TCN2: variants seen among roughly 807,000 people sequenced by gnomAD.
TCN2 encodes the protein transcobalamin-2.
TCN2 carries 34 observed loss-of-function variants against 48.6 expected under a neutral mutation model. The observed-to-expected ratio is 0.70, with a 90% CI of 0.53 to 0.93. The LOEUF (loss-of-function observed/expected upper bound fraction) is 0.93, where lower values mean the gene tolerates loss of function less well. TCN2 is among the 40% of genes least tolerant of loss of function. The pLI is 0.00. For missense variants in TCN2, 652 were observed against 526.1 expected (o/e 1.24, Z -2.34); for synonymous variants, 283 against 212.5 (o/e 1.33, Z -2.89).
chr22:30,620,210 G>A (rs2087678049), intron 7 of TCN2, among the ~76,000 whole-genome samples: 1 of 151,890 alleles, frequency 6.6e-6, no homozygotes. Flanking sequence ...CCAGCACTTT[G>A]GGAGGCCAAG....
chr22:30,615,256 C>T (rs757333809), intron 4 of TCN2, 45 bp from the exon 5 acceptor site: 2 of 1,611,886 alleles, frequency 1.2e-6, no homozygotes, highest in African/African-American at 1.3e-5. Flanking sequence ...TGTCCTGGCC[C>T]CTTTGGCTCT....
At chr22:30,608,854 C>T (rs1332872982) in intron 1 of TCN2, among the ~76,000 whole-genome samples, 3 of 152,176 alleles carry the variant, frequency 2.0e-5, no homozygotes, top group Non-Finnish European at 4.4e-5. Flanking sequence ...CAGCCTTGGA[C>T]AGTTAGTCCA....
Position 30,614,415 on chromosome 22 carries a change from G to A in TCN2, c.494G>A (p.Cys165Tyr). The change falls in exon 4 of 9, where the codon TGT (cysteine) becomes TAT (tyrosine). Residue 165 changes from cysteine (C) to tyrosine (Y), a missense_variant. Cys to Tyr is a radical substitution (Grantham distance 194). Coordinates refer to ENST00000215838, the MANE Select transcript of TCN2 (RefSeq NM_000355.4). ...YQYGLGILAL[C>Y]LHQKRVHDSV... is the part of the protein sequence containing the mutation. ...TATGGCCTGGGCATTCTGGCCCTGTGTCTCCACCAGAAGCGGGTCCATGAC... is the reference window on the plus strand; with the variant it reads ...TATGGCCTGGGCATTCTGGCCCTGTATCTCCACCAGAAGCGGGTCCATGAC... 1.9e-6 allele frequency: 3 copies of A among 1,614,140 alleles called. No homozygotes were observed. The highest frequency in any genetic ancestry group is 2.5e-6 in the Non-Finnish European group (3 of 1,180,020).
At chr22:30,620,757 T>C (rs2087685499) in intron 7 of TCN2, among the ~76,000 whole-genome samples, 1 of 152,168 alleles carries the variant, frequency 6.6e-6, no homozygotes, top group Non-Finnish European at 1.5e-5. Context: ...GAGAAATGGT[T>C]CTCTTGTTAG....
Position 30,622,914 on chromosome 22 carries a change from C to G in TCN2, c.1107-54C>G, listed in dbSNP as rs1438284420. ...CTGCTGTGGGTGAGCACTGCCTCTC[C>G]CCTTAGGGACAACAGCCACCTCTTC... On this transcript the variant is annotated intron_variant, in intron 7 of 8. Transcript: ENST00000215838. The G allele has an allele frequency of 4.4e-6, 7 of 1,578,492 alleles. 1 individual carries two copies. The highest frequency in any genetic ancestry group is 3.3e-4 in the Middle Eastern group (2 of 6,020).
Position 30,615,425 on chromosome 22 carries a change from C to T in TCN2, c.705C>T (p.Thr235=), listed in dbSNP as rs1016983766. 3 of 1,614,064 alleles carry T rather than the reference C, an allele frequency of 1.9e-6. No individual in the cohort carries two copies. The highest frequency in any genetic ancestry group is 1.7e-5 in the Admixed American group (1 of 59,998). ...TVREEILKAQ[T]PEGHFGNVYS... is the part of the protein sequence containing the mutation. Reference sequence around the variant, plus strand: ...GAGAGGAGATCTTGAAGGCCCAGACCCCCGAGGGCCACTTTGGGAATGTCT... The same window carrying T: ...GAGAGGAGATCTTGAAGGCCCAGACTCCCGAGGGCCACTTTGGGAATGTCT... The change falls in exon 5 of 9, where the codon ACC becomes ACT. Residue 235 remains threonine (T), a synonymous_variant. Transcript: ENST00000215838.
chr22:30,622,825 T>C (rs568986851), intron 7 of TCN2, 143 bp from the exon 8 acceptor site: 3 of 802,784 alleles, frequency 3.7e-6, no homozygotes, highest in Non-Finnish European at 6.4e-6. Context: ...ATCACAGACC[T>C]GTGGCCAGGT....
At chr22:30,617,592 G>T in intron 7 of TCN2, 97 bp downstream of exon 7, 1 of 1,526,846 alleles carries the variant, frequency 6.5e-7, no homozygotes, top group East Asian at 2.3e-5. Context: ...GGGTTCCCTC[G>T]GGAGAGACAC....
At chr22:30,617,227 G>T in intron 6 of TCN2, 103 bp from the exon 7 acceptor site, 1 of 1,504,902 alleles carries the variant, frequency 6.6e-7, no homozygotes, top group East Asian at 2.3e-5. Flanking sequence ...ATGAGGACAT[G>T]GGGAAGGACA....
At chr22:30,625,798 C>T (rs181684026) in intron 8 of TCN2, among the ~76,000 whole-genome samples, 213 of 152,238 alleles carry the variant, frequency 1.4e-3, no homozygotes, top group African/African-American at 4.9e-3. Flanking sequence ...TGATGAGGCT[C>T]TACTCTCATG....
intron 1 of TCN2, among the ~76,000 whole-genome samples, chr22:30,608,013 T>C (rs1264096052): frequency 6.6e-6 from 1 of 152,118 alleles, no homozygotes; most frequent in Non-Finnish European, 1.5e-5. Context: ...AAGTGAGCCT[T>C]CGGAGGTCCT....
chr22:30,610,109 CAG>C (rs1293003183), intron 1 of TCN2: 5 of 441,376 alleles, frequency 1.1e-5, no homozygotes, highest in African/African-American at 2.0e-5. Flanking sequence ...CTTCCGCTTC[CAG>C]AGTGTTTGAG....
intron 3 of TCN2, among the ~76,000 whole-genome samples, chr22:30,613,428 C>T (rs1025333850): frequency 3.3e-5 from 5 of 152,210 alleles, no homozygotes; most frequent in Middle Eastern, 3.4e-3. Flanking sequence ...TACAGGCATG[C>T]GCCACCACAC....
Position 30,607,366 on chromosome 22 carries a change from G to T in TCN2, c.35G>T (p.Gly12Val). The change falls in exon 1 of 9, where the codon GGG (glycine) becomes GTG (valine). Residue 12 changes from glycine to valine, a missense_variant. Coordinates refer to ENST00000215838, the MANE Select transcript of TCN2 (RefSeq NM_000355.4). The part of the protein sequence containing the change: ...RHLGAFLFLL[G>V]VLGALTEMCE... The stretch of plus-strand genomic sequence containing the variant: ...CTTGGGGCCTTCCTCTTCCTTCTGG[G>T]GGTCCTGGGGGCCCTCACTGAGATG... 1.2e-6 allele frequency: 2 copies of T among 1,614,086 alleles called. No individual in the cohort carries two copies. Among genetic ancestry groups the T allele is most frequent in the Non-Finnish European group, 1.7e-6 (2 of 1,180,018 alleles).
At position 30,614,495 on chromosome 22, in the gene TCN2, T is replaced by C. The variant is rs2087585984; in HGVS notation, c.574T>C (p.Ser192Pro). ...AVEPFHQGHH[S>P]VDTAAMAGLA... ...GGAACCTTTCCACCAGGGCCACCAT[T>C]CTGTGGGTGAGTAGGTCAGACCGTG... Residue 192 changes from serine (S) to proline (P), a missense_variant, in exon 4 of 9, where the codon TCT becomes CCT. Ser to Pro is a moderately conservative substitution (Grantham distance 74). Transcript: ENST00000215838. 4 of 1,614,014 alleles carry C rather than the reference T, an allele frequency of 2.5e-6. No homozygotes were observed. Among genetic ancestry groups the C allele is most frequent in the African/African-American group, 2.7e-5 (2 of 74,922 alleles).
intron 7 of TCN2, among the ~76,000 whole-genome samples, chr22:30,617,890 C>A (rs906693435): frequency 6.6e-6 from 1 of 152,194 alleles, no homozygotes; most frequent in Non-Finnish European, 1.5e-5. Flanking sequence ...ACATAGCAAG[C>A]GCTCAACACA....
At chr22:30,612,616 A>G (rs1042178202) in intron 2 of TCN2, among the ~76,000 whole-genome samples, 2 of 152,182 alleles carry the variant, frequency 1.3e-5, no homozygotes, top group Non-Finnish European at 2.9e-5. Context: ...AGTATGGACA[A>G]AATAGTGGGG....
intron 7 of TCN2, among the ~76,000 whole-genome samples, chr22:30,619,975 G>A (rs1358997909): frequency 6.6e-6 from 1 of 152,084 alleles, no homozygotes; most frequent in African/African-American, 2.4e-5. Flanking sequence ...GCAACATAGT[G>A]AGACTGCCAT....
chr22:30,617,457 A>G lies in TCN2; in HGVS notation c.1068A>G (p.Glu356=). 6.2e-7 allele frequency: 1 copy of G among 1,614,150 alleles called. No individual in the cohort carries two copies. Among genetic ancestry groups the G allele is most frequent in the Non-Finnish European group, 8.5e-7 (1 of 1,180,020 alleles). ...SISVLAGSTV[E]DVLKKAHELG... is the part of the protein sequence containing the mutation. The stretch of plus-strand genomic sequence containing the variant: ...CTGTTCTGGCCGGGTCCACCGTGGA[A>G]GATGTCCTGAAGAAGGCCCATGAGT... The change falls in exon 7 of 9, where the codon GAA becomes GAG. Residue 356 remains glutamate, a synonymous_variant. Transcript: ENST00000215838.
Sources: allele counts gnomAD v4.1 joint callset (sites outside exome capture counted in the v4.1 genomes callset), GRCh38; gene constraint gnomAD v4.1.1; transcripts MANE v1.5; gene names NCBI Gene and HGNC (gene_info 2026-07-23, HGNC 2026-07-21).